DAOA: variants seen among roughly 807,000 people sequenced by gnomAD.
DAOA encodes the protein D-amino acid oxidase regulator.
In DAOA, 15 loss-of-function variants were observed where a neutral mutation model predicts 16.4. The ratio of observed to expected loss-of-function variants is 0.91; its 90% CI spans 0.61 to 1.41. The LOEUF is 1.41. Among genes scored for constraint, DAOA ranks in the 40% most tolerant of loss-of-function variants. The probability of loss-of-function intolerance (pLI) is 0.00; values close to 1 mark genes in which losing one functional copy is unlikely to be tolerated. For synonymous variants in DAOA, 75 were observed against 59.1 expected (o/e 1.27, Z -1.23); for missense variants, 230 against 176.8 (o/e 1.30, Z -1.71).
intron 4 of DAOA, among the ~76,000 whole-genome samples, chr13:105,489,246 A>T (rs1374145466): frequency 1.3e-5 from 2 of 152,224 alleles, no homozygotes; most frequent in Non-Finnish European, 2.9e-5. Context: ...GTTTAATAGC[A>T]TGAGGTCTGA....
chr13:105,478,362 G>C (rs1877488448), intron 4 of DAOA, among the ~76,000 whole-genome samples: 2 of 152,204 alleles, frequency 1.3e-5, no homozygotes, highest in African/African-American at 4.8e-5. Flanking sequence ...TAGTCAATTG[G>C]TATCGAGGAG....
At chr13:105,475,342 A>G (rs1248035511) in intron 4 of DAOA, among the ~76,000 whole-genome samples, 1 of 152,182 alleles carries the variant, frequency 6.6e-6, no homozygotes, top group East Asian at 1.9e-4. Context: ...TTGTTCCCAG[A>G]TACCTCTCTC....
intron 4 of DAOA, among the ~76,000 whole-genome samples, chr13:105,481,544 G>T (rs1877745779): frequency 6.6e-6 from 1 of 152,016 alleles, no homozygotes; most frequent in African/African-American, 2.4e-5. Context: ...CATCCTTGCT[G>T]CCAAGATCAA....
At chr13:105,485,907 G>A (rs1878072428) in intron 4 of DAOA, among the ~76,000 whole-genome samples, 1 of 152,140 alleles carries the variant, frequency 6.6e-6, no homozygotes, top group African/African-American at 2.4e-5. Flanking sequence ...ATCCCAAACT[G>A]GGAGAGAATA....
At chr13:105,471,545 G>C (rs35314957) in intron 3 of DAOA, among the ~76,000 whole-genome samples, 23,855 of 152,156 alleles carry the variant, frequency 0.16, 1,968 homozygotes, top group Non-Finnish European at 0.17. Context: ...GAAAGGGAGT[G>C]CTATTTGTCT....
At chr13:105,480,646 C>G (rs1256290890) in intron 4 of DAOA, among the ~76,000 whole-genome samples, 1 of 151,880 alleles carries the variant, frequency 6.6e-6, no homozygotes, top group African/African-American at 2.4e-5. Flanking sequence ...AGCTGGAGAT[C>G]CTGGCATGGA....
chr13:105,472,409 A>G, intron 3 of DAOA, 129 bp from the exon 4 acceptor site: 1 of 1,331,450 alleles, frequency 7.5e-7, no homozygotes. Flanking sequence ...TGTCTTAACC[A>G]AAAACCTCTG....
chr13:105,487,346 A>G (rs1566384475), intron 4 of DAOA, among the ~76,000 whole-genome samples: 1 of 152,172 alleles, frequency 6.6e-6, no homozygotes, highest in Non-Finnish European at 1.5e-5. Context: ...GATCTAAATC[A>G]TATAATAATA....
intron 3 of DAOA, among the ~76,000 whole-genome samples, chr13:105,468,421 G>C (rs1876690176): frequency 6.6e-6 from 1 of 152,146 alleles, no homozygotes; most frequent in South Asian, 2.1e-4. Flanking sequence ...GTCAGTCTTT[G>C]AGTGCCAAGT....
intron 4 of DAOA, among the ~76,000 whole-genome samples, chr13:105,485,265 C>A (rs1390087113): frequency 6.6e-6 from 1 of 152,134 alleles, no homozygotes; most frequent in Non-Finnish European, 1.5e-5. Context: ...TACAGCTCCA[C>A]ATAAAAATTT....
rs1432901728 is a variant in DAOA at position 105,476,969 on chromosome 13, T to C, written c.281+4284T>C. 5 of 152,280 alleles carry C rather than the reference T, an allele frequency of 3.3e-5. No homozygotes were observed. The East Asian group carries it at 9.7e-4, about 29-fold the overall frequency. The allele number at this position is 152,280 out of a possible 1,614,324, so 9.4% of individuals were successfully genotyped here. ...GCAGCTTACAGTTATCTCTGTAAAT[T>C]GTTCTGAGGAATCCTCAGCAACTTT... On this transcript the variant is annotated intron_variant, in intron 4 of 5. Transcript: ENST00000375936.
chr13:105,467,327 T>C (rs1305299653), intron 3 of DAOA, among the ~76,000 whole-genome samples, 186 bp downstream of exon 3: 1 of 152,210 alleles, frequency 6.6e-6, no homozygotes, highest in Non-Finnish European at 1.5e-5. Context: ...TTAGCAACCA[T>C]TCACACTTAC....
chr13:105,477,638 C>T (rs908867445), intron 4 of DAOA, among the ~76,000 whole-genome samples: 1 of 152,122 alleles, frequency 6.6e-6, no homozygotes, highest in African/African-American at 2.4e-5. Context: ...GAGGGAGGAT[C>T]CCTTGAACCC....
intron 4 of DAOA, among the ~76,000 whole-genome samples, chr13:105,480,560 A>G (rs1877662053): frequency 1.4e-5 from 2 of 147,274 alleles, no homozygotes; most frequent in Admixed American, 1.4e-4. Context: ...AGATAGATAG[A>G]TAGATAGATA....
At chr13:105,486,405 C>G (rs1878113696) in intron 4 of DAOA, among the ~76,000 whole-genome samples, 1 of 152,066 alleles carries the variant, frequency 6.6e-6, no homozygotes, top group Non-Finnish European at 1.5e-5. Flanking sequence ...CTCAGAGAAA[C>G]CTCTCCAGAA....
intron 4 of DAOA, among the ~76,000 whole-genome samples, chr13:105,487,096 G>A (rs1289892297): frequency 1.3e-5 from 2 of 152,156 alleles, no homozygotes; most frequent in Non-Finnish European, 2.9e-5. Context: ...GAAAAGGAGA[G>A]AGAACAGAGA....
intron 4 of DAOA, among the ~76,000 whole-genome samples, chr13:105,480,897 G>A (rs1392230899): frequency 6.6e-6 from 1 of 152,098 alleles, no homozygotes; most frequent in Non-Finnish European, 1.5e-5. Flanking sequence ...CCCACGGTAA[G>A]GAGGGATCTT....
intron 4 of DAOA, among the ~76,000 whole-genome samples, chr13:105,481,306 A>C (rs149440385): frequency 2.0e-5 from 3 of 152,248 alleles, no homozygotes; most frequent in South Asian, 2.1e-4. Context: ...TGCCATTATC[A>C]TCCCACTTTA....
intron 4 of DAOA, among the ~76,000 whole-genome samples, chr13:105,477,468 C>G (rs941612366): frequency 1.5e-4 from 23 of 152,224 alleles, no homozygotes; most frequent in African/African-American, 5.3e-4. Flanking sequence ...GTGGCTCATG[C>G]TTGTAATCCC....
Sources: gnomAD v4.1 joint callset for allele counts (sites outside exome capture counted in the v4.1 genomes callset) on GRCh38, gnomAD v4.1.1 for gene constraint, MANE v1.5 for transcripts, NCBI Gene and HGNC (gene_info 2026-07-23, HGNC 2026-07-21) for gene names.